Variants in SLC1A2 observed in about 807,000 individuals in gnomAD.
SLC1A2 encodes excitatory amino acid transporter 2.
Under a neutral mutation model 48.8 loss-of-function variants are expected in SLC1A2, and 15 were observed. The ratio of observed to expected loss-of-function variants is 0.31; its 90% CI spans 0.21 to 0.47. SLC1A2 has a LOEUF of 0.47. SLC1A2 is among the 20% of genes least tolerant of loss of function. The probability of loss-of-function intolerance (pLI) is 0.99; values close to 1 mark genes in which losing one functional copy is unlikely to be tolerated. For missense variants in SLC1A2, 502 were observed against 730.5 expected, an observed-to-expected ratio of 0.69 and a Z score of 3.61; for synonymous variants, 279 against 272.6, an observed-to-expected ratio of 1.02 and a Z score of -0.23.
intron 9 of SLC1A2, among the ~76,000 whole-genome samples, chr11:35,278,273 G>GTTT (rs35889672): frequency 5.6e-5 from 5 of 88,660 alleles, no homozygotes; most frequent in Admixed American, 1.3e-4. Flanking sequence ...GTTTTTTTTT[G>GTTT]TTTTTTTTTT....
chr11:35,277,415 G>A (rs1850477154), intron 9 of SLC1A2, among the ~76,000 whole-genome samples: 1 of 148,778 alleles, frequency 6.7e-6, no homozygotes, highest in Admixed American at 6.6e-5. Context: ...TACAGCATAG[G>A]GCACCTTAAG....
intron 1 of SLC1A2, among the ~76,000 whole-genome samples, chr11:35,361,477 T>C (rs999756736): frequency 3.5e-4 from 53 of 152,220 alleles, no homozygotes; most frequent in African/African-American, 1.2e-3. Context: ...ACAGGCCCTC[T>C]GTGTCCAGGC....
At chr11:35,407,871 T>A (rs1008021547) in intron 1 of SLC1A2, among the ~76,000 whole-genome samples, 14 of 152,218 alleles carry the variant, frequency 9.2e-5, no homozygotes, top group African/African-American at 3.1e-4. Flanking sequence ...AGCCCAGTTC[T>A]TTTCTCTAGC....
rs560040741 is a variant in SLC1A2 at position 35,351,366 on chromosome 11, T to A, written c.18-33850A>T. 5.3e-5 allele frequency among the ~76,000 whole-genome samples: 8 copies of A among 152,336 alleles called. No homozygotes were observed. The South Asian group carries it at 1.7e-3, about 32-fold the overall frequency. On this transcript the variant is annotated intron_variant, in intron 1 of 10. Transcript: ENST00000278379. Reference sequence around the variant, plus strand: ...CATCTCTGCTTTCCCAGACAGCATGTCAGTTTCTCCTGGGACCATGGATCC... The same window carrying A: ...CATCTCTGCTTTCCCAGACAGCATGACAGTTTCTCCTGGGACCATGGATCC...
chr11:35,337,346 G>A (rs1852672054), intron 1 of SLC1A2, among the ~76,000 whole-genome samples: 1 of 152,198 alleles, frequency 6.6e-6, no homozygotes, highest in Admixed American at 6.5e-5. Flanking sequence ...CAGAAAGGCA[G>A]TGAGTAACTA....
At chr11:35,356,072 C>T (rs376954134) in intron 1 of SLC1A2, among the ~76,000 whole-genome samples, 1 of 152,062 alleles carries the variant, frequency 6.6e-6, no homozygotes, top group Non-Finnish European at 1.5e-5. Context: ...GCCAACTGCC[C>T]ATGAAAGTTG....
In SLC1A2 at chr11:35,415,942, A is replaced by G. The variant is rs553071118; in HGVS notation, c.17+3008T>C. Reference sequence around the variant, plus strand: ...CTAGCCTGGCTGCCACCAACTACTTATAATCTCTTTCCAATTTGGGTCAGG... The same window carrying G: ...CTAGCCTGGCTGCCACCAACTACTTGTAATCTCTTTCCAATTTGGGTCAGG... On this transcript the variant is annotated intron_variant, in intron 1 of 10. Transcript: ENST00000278379. Among the ~76,000 whole-genome samples the G allele has an allele frequency of 1.6e-4, 24 of 152,324 alleles. No homozygotes were observed. In the South Asian group the frequency reaches 5.0e-3, roughly 32 times the overall value.
chr11:35,268,836 T>C (rs781237684), intron 9 of SLC1A2, among the ~76,000 whole-genome samples: 2 of 152,150 alleles, frequency 1.3e-5, no homozygotes, highest in Non-Finnish European at 2.9e-5. Context: ...AGTAAAGTCA[T>C]ACAGCAAATG....
intron 1 of SLC1A2, among the ~76,000 whole-genome samples, chr11:35,386,653 T>C (rs145205007): frequency 3.2e-3 from 484 of 152,362 alleles, no homozygotes; most frequent in Middle Eastern, 6.8e-3. Flanking sequence ...AATATTGATA[T>C]ATGGTTTAGG....
At position 35,353,530 on chromosome 11, in the gene SLC1A2, A is replaced by G. The variant is rs531965019; in HGVS notation, c.18-36014T>C. On this transcript the variant is annotated intron_variant, in intron 1 of 10. Coordinates refer to ENST00000278379, the MANE Select transcript of SLC1A2 (RefSeq NM_004171.4). ...TTGTTTCCTCACTGCTAAATCACCT[A>G]TTAAGAGCACAATAGGGTTTCCAAT... Among the ~76,000 whole-genome samples the G allele has an allele frequency of 1.1e-4, 16 of 152,318 alleles. No individual in the cohort carries two copies. The South Asian group carries it at 2.1e-3, about 20-fold the overall frequency.
At chr11:35,273,537 A>G (rs1319917002) in intron 9 of SLC1A2, among the ~76,000 whole-genome samples, 1 of 152,268 alleles carries the variant, frequency 6.6e-6, no homozygotes, top group African/African-American at 2.4e-5. Flanking sequence ...GCTGTTTTAT[A>G]TAAAAGGCTT....
intron 1 of SLC1A2, among the ~76,000 whole-genome samples, chr11:35,335,465 A>G (rs1852593955): frequency 6.6e-6 from 1 of 152,168 alleles, no homozygotes; most frequent in African/African-American, 2.4e-5. Context: ...TCTGGCCTGT[A>G]ATCACTCATC....
chr11:35,314,929 A>T, intron 3 of SLC1A2, 94 bp downstream of exon 3: 2 of 840,152 alleles, frequency 2.4e-6, no homozygotes, highest in Non-Finnish European at 2.0e-6. Context: ...ATAGACGATC[A>T]CATTCACTCA....
At chr11:35,281,135 G>A (rs1302217316) in intron 8 of SLC1A2, 134 bp from the exon 9 acceptor site, 2 of 1,241,504 alleles carry the variant, frequency 1.6e-6, no homozygotes, top group African/African-American at 3.1e-5. Flanking sequence ...TCTCCACCAA[G>A]GAATAGAGAA....
At position 35,301,560 on chromosome 11, in the gene SLC1A2, A is replaced by G. The variant is rs758399447; in HGVS notation, c.816T>C (p.Ile272=). 4 of 1,613,784 alleles carry G rather than the reference A, an allele frequency of 2.5e-6. No homozygotes were observed. Among genetic ancestry groups the G allele is most frequent in the Non-Finnish European group, 3.4e-6 (4 of 1,179,762 alleles). ...QAKLMVDFFN[I]LNEIVMKLVI... ...CTAACTTCATTACAATCTCATTCAA[A>G]ATGTTGAAGAAATCCACCATCAGCT... is the stretch of plus-strand genomic sequence containing the variant. Residue 272 remains isoleucine, a synonymous_variant, in exon 6 of 11, where the codon ATT becomes ATC. Transcript: ENST00000278379.
chr11:35,343,831 C>T (rs943179044), intron 1 of SLC1A2, among the ~76,000 whole-genome samples: 1 of 151,974 alleles, frequency 6.6e-6, no homozygotes, highest in African/African-American at 2.4e-5. Flanking sequence ...TTTACACAGA[C>T]ACACACAGGC....
chr11:35,263,634 C>T (rs562877700), intron 10 of SLC1A2, among the ~76,000 whole-genome samples: 16 of 152,214 alleles, frequency 1.1e-4, no homozygotes, highest in African/African-American at 3.1e-4. Flanking sequence ...AAGGGCCATA[C>T]GCAGTTAACC....
At chr11:35,274,042 C>G (rs1440921376) in intron 9 of SLC1A2, among the ~76,000 whole-genome samples, 1 of 152,082 alleles carries the variant, frequency 6.6e-6, no homozygotes, top group Non-Finnish European at 1.5e-5. Flanking sequence ...AGGGGAAATT[C>G]CCAGGGGTGG....
chr11:35,325,628 G>A (rs999331385), intron 1 of SLC1A2, among the ~76,000 whole-genome samples: 3 of 152,102 alleles, frequency 2.0e-5, no homozygotes, highest in African/African-American at 7.2e-5. Context: ...ATGAGAGAAG[G>A]AATATCAGAA....
Sources: gnomAD v4.1 joint callset for allele counts (sites outside exome capture counted in the v4.1 genomes callset) on GRCh38, gnomAD v4.1.1 for gene constraint, MANE v1.5 for transcripts, NCBI Gene and HGNC (gene_info 2026-07-23, HGNC 2026-07-21) for gene names.